Variants in TACR1 observed in about 807,000 individuals in gnomAD.
TACR1 encodes tachykinin receptor 1.
A neutral mutation model predicts 35.8 loss-of-function variants in TACR1; 25 were observed. The observed-to-expected ratio is 0.70, with a 90% CI of 0.51 to 0.98. The LOEUF (loss-of-function observed/expected upper bound fraction) is 0.98, where lower values mean the gene tolerates loss of function less well. Among genes scored for constraint, TACR1 ranks in the 50% least tolerant of loss-of-function variants. The pLI, the probability that TACR1 is intolerant of heterozygous loss-of-function variation, is 0.00. For synonymous variants in TACR1, 195 were observed against 206.7 expected (o/e 0.94, Z 0.48); for missense variants, 478 against 522.9 (o/e 0.91, Z 0.84).
intron 2 of TACR1, chr2:75,090,697 C>CAGA (rs1673291602): frequency 6.5e-6 from 1 of 153,958 alleles, no homozygotes; most frequent in Non-Finnish European, 1.5e-5. Flanking sequence ...TGTATGCTCT[C>CAGA]TTACACCTTT....
chr2:75,073,663 G>A (rs1029263747), intron 2 of TACR1, among the ~76,000 whole-genome samples: 3 of 152,194 alleles, frequency 2.0e-5, no homozygotes. Context: ...AGTGGGTCTG[G>A]GGGGAGGTGG....
chr2:75,054,296 A>C (rs1323148223), intron 2 of TACR1, among the ~76,000 whole-genome samples: 2 of 152,260 alleles, frequency 1.3e-5, no homozygotes, highest in Non-Finnish European at 2.9e-5. Flanking sequence ...GGCCCAGTTT[A>C]TGCTATGTGA....
intron 2 of TACR1, among the ~76,000 whole-genome samples, chr2:75,057,714 T>C (rs985803462): frequency 6.6e-6 from 1 of 152,128 alleles, no homozygotes; most frequent in African/African-American, 2.4e-5. Context: ...GTACAGAATC[T>C]GTTTGAGATA....
At chr2:75,172,264 A>G (rs1299428715) in intron 1 of TACR1, among the ~76,000 whole-genome samples, 1 of 152,198 alleles carries the variant, frequency 6.6e-6, no homozygotes, top group Non-Finnish European at 1.5e-5. Flanking sequence ...CCTTTCTAGC[A>G]TCTAAATCTG....
chr2:75,058,268 T>A (rs559546025), intron 2 of TACR1, among the ~76,000 whole-genome samples: 53 of 152,346 alleles, frequency 3.5e-4, no homozygotes, highest in African/African-American at 1.1e-3. Flanking sequence ...AAGTATTTTT[T>A]AAAATCATAT....
intron 1 of TACR1, among the ~76,000 whole-genome samples, chr2:75,150,081 A>G (rs1173012074): frequency 6.6e-6 from 1 of 152,170 alleles, no homozygotes; most frequent in East Asian, 1.9e-4. Flanking sequence ...CTTGCATCCC[A>G]GAGATGAAGC....
chr2:75,062,700 A>AG lies in TACR1; in HGVS notation c.585-8946dup. Among the ~76,000 whole-genome samples, 3 of 152,326 alleles carry AG rather than the reference A, an allele frequency of 2.0e-5. No individual in the cohort carries two copies. The South Asian group carries it at 6.2e-4, about 32-fold the overall frequency. On this transcript the variant is annotated intron_variant, in intron 2 of 4. Coordinates refer to ENST00000305249, the MANE Select transcript of TACR1 (RefSeq NM_001058.4). ...AGAACTAAGTTAAAGGGTTTTTAAA[A>AG]GGTTTGATATATACTGTCATTTTCC...
chr2:75,194,954 C>T (rs1675929161), intron 1 of TACR1, among the ~76,000 whole-genome samples: 2 of 152,138 alleles, frequency 1.3e-5, no homozygotes, highest in Admixed American at 1.3e-4. Flanking sequence ...TTCCTCTACT[C>T]CCTTCTTAGG....
chr2:75,181,320 A>T (rs897652923), intron 1 of TACR1, among the ~76,000 whole-genome samples: 24 of 152,178 alleles, frequency 1.6e-4, no homozygotes, highest in African/African-American at 5.3e-4. Flanking sequence ...TTCCTTTAAA[A>T]ACATCTAGAA....
chr2:75,101,552 C>T (rs1392836512), intron 2 of TACR1, among the ~76,000 whole-genome samples: 1 of 152,148 alleles, frequency 6.6e-6, no homozygotes, highest in Non-Finnish European at 1.5e-5. Flanking sequence ...GGTAGCTCCA[C>T]TGTAGATTAC....
intron 2 of TACR1, among the ~76,000 whole-genome samples, chr2:75,114,726 G>A (rs1360808007): frequency 6.6e-6 from 1 of 152,146 alleles, no homozygotes; most frequent in African/African-American, 2.4e-5. Flanking sequence ...TTTATCACCT[G>A]TCAGTCATCT....
rs1676071429 is a variant in TACR1, at chr2:75,199,183, A to T, written c.-249T>A. 6.1e-6 allele frequency: 3 copies of T among 489,240 alleles called. No homozygotes were observed. 30.3% of individuals were successfully genotyped at this position (489,240 alleles called of 1,614,324 possible). ...CAAGCTTCAGGAGACGTTTGAGTTC[A>T]GAAGTCTGGAGACAGCATCTCTCTT... On this transcript the variant is annotated 5_prime_UTR_variant, in exon 1 of 5. An upstream open reading frame in the 5' UTR loses its in-frame stop. Transcript: ENST00000305249.
chr2:75,194,917 C>A (rs577247280), intron 1 of TACR1, among the ~76,000 whole-genome samples: 1 of 152,260 alleles, frequency 6.6e-6, no homozygotes, highest in Non-Finnish European at 1.5e-5. Flanking sequence ...TTCCCCAGCT[C>A]CCTGCAGGGC....
chr2:75,192,787 C>G (rs3771864), intron 1 of TACR1, among the ~76,000 whole-genome samples: 45,730 of 152,002 alleles, frequency 0.3, 9,621 homozygotes, highest in African/African-American at 0.6. Context: ...GAAACAGAAT[C>G]CTCATTGGCA....
intron 1 of TACR1, among the ~76,000 whole-genome samples, chr2:75,179,700 C>T (rs1457667179): frequency 6.6e-6 from 1 of 152,164 alleles, no homozygotes; most frequent in Non-Finnish European, 1.5e-5. Context: ...GTTAAACCTC[C>T]TTGCAATTCT....
chr2:75,115,940 T>C (rs994572643), intron 2 of TACR1, among the ~76,000 whole-genome samples: 1 of 150,912 alleles, frequency 6.6e-6, no homozygotes, highest in Non-Finnish European at 1.5e-5. Flanking sequence ...AGAAGCTCTT[T>C]ATGAATAATA....
At chr2:75,151,661 G>A (rs1189864187) in intron 1 of TACR1, among the ~76,000 whole-genome samples, 1 of 152,182 alleles carries the variant, frequency 6.6e-6, no homozygotes, top group Admixed American at 6.5e-5. Flanking sequence ...TGGGGTTGGA[G>A]CCCCCACACA....
chr2:75,076,043 T>G (rs570868875), intron 2 of TACR1, among the ~76,000 whole-genome samples: 1 of 152,360 alleles, frequency 6.6e-6, no homozygotes, highest in South Asian at 2.1e-4. Flanking sequence ...AGCATATGAA[T>G]GGCAGGTTTG....
At chr2:75,137,542 A>G (rs188064321) in intron 1 of TACR1, among the ~76,000 whole-genome samples, 14 of 151,928 alleles carry the variant, frequency 9.2e-5, no homozygotes, top group East Asian at 3.9e-4. Context: ...TGGCTAACAC[A>G]GTGAAACCCC....
Sources: allele counts gnomAD v4.1 joint callset (sites outside exome capture counted in the v4.1 genomes callset), GRCh38; gene constraint gnomAD v4.1.1; transcripts MANE v1.5; gene names NCBI Gene and HGNC (gene_info 2026-07-23, HGNC 2026-07-21).